Variants in JMJD1C observed in about 807,000 individuals in gnomAD.
JMJD1C encodes the protein jumonji domain-containing protein 1C.
Under a neutral mutation model 245.3 loss-of-function variants are expected in JMJD1C, and 31 were observed. That is an observed-to-expected ratio of 0.13 (90% CI 0.09 to 0.17). The LOEUF (loss-of-function observed/expected upper bound fraction) is 0.17. JMJD1C is among the 10% of genes least tolerant of loss of function. JMJD1C has a pLI of 1.00. For synonymous variants in JMJD1C, 1,057 were observed against 1,017.4 expected (o/e 1.04, Z -0.74); for missense variants, 2,691 against 3,000.2 (o/e 0.90, Z 2.41).
At chr10:63,461,692 T>C (rs776861450) in intron 1 of JMJD1C, among the ~76,000 whole-genome samples, 1 of 152,170 alleles carries the variant, frequency 6.6e-6, no homozygotes, top group Non-Finnish European at 1.5e-5. Flanking sequence ...TGATTTTTTA[T>C]TGTCCTTTTC....
intron 1 of JMJD1C, 36 bp from the exon 2 acceptor site, chr10:63,380,518 A>T: frequency 6.5e-7 from 1 of 1,544,656 alleles, no homozygotes. Flanking sequence ...AATTAGCAAA[A>T]TAGAAGAGTG....
chr10:63,197,889 C>T (rs1462832956), intron 12 of JMJD1C, among the ~76,000 whole-genome samples: 1 of 152,178 alleles, frequency 6.6e-6, no homozygotes, highest in Non-Finnish European at 1.5e-5. Context: ...GTAGCCTCTA[C>T]CTATCAGATG....
intron 24 of JMJD1C, among the ~76,000 whole-genome samples, chr10:63,171,966 C>T (rs571799945): frequency 1.3e-5 from 2 of 152,280 alleles, no homozygotes; most frequent in South Asian, 4.1e-4. Flanking sequence ...GCATTGCCAC[C>T]AATTGTGAAT....
At chr10:63,206,262 A>C (rs1440412070) in intron 10 of JMJD1C, among the ~76,000 whole-genome samples, 1 of 152,208 alleles carries the variant, frequency 6.6e-6, no homozygotes, top group African/African-American at 2.4e-5. Flanking sequence ...GACAGCCATA[A>C]CTGCATTTTG....
At chr10:63,458,717 T>TA (rs1952578298) in intron 1 of JMJD1C, among the ~76,000 whole-genome samples, 1 of 4,742 alleles carries the variant, frequency 2.1e-4, no homozygotes, top group Non-Finnish European at 4.1e-4. Flanking sequence ...ATATAGCTTT[T>TA]TTTTTATTTA....
intron 2 of JMJD1C, among the ~76,000 whole-genome samples, chr10:63,295,009 T>C (rs1859198778): frequency 7.4e-6 from 1 of 134,952 alleles, no homozygotes; most frequent in South Asian, 2.7e-4. Flanking sequence ...GCCACAACCA[T>C]CTTAGGTCAT....
At chr10:63,238,133 A>G (rs1020343512) in intron 3 of JMJD1C, among the ~76,000 whole-genome samples, 3 of 145,860 alleles carry the variant, frequency 2.1e-5, no homozygotes, top group African/African-American at 5.0e-5. Flanking sequence ...GCAAGCCAAG[A>G]TTGTGCCACT....
chr10:63,374,937 C>T (rs1946604844), intron 2 of JMJD1C, among the ~76,000 whole-genome samples: 1 of 152,122 alleles, frequency 6.6e-6, no homozygotes, highest in African/African-American at 2.4e-5. Context: ...TTATGGTTTT[C>T]TAAGTATAAG....
In JMJD1C at chr10:63,249,980, C is replaced by T. The variant is rs552149817; in HGVS notation, c.447+14671G>A. Among the ~76,000 whole-genome samples the T allele has an allele frequency of 8.5e-5, 13 of 152,186 alleles. 1 individual carries two copies. In the South Asian group the frequency reaches 2.7e-3, roughly 32 times the overall value. ...GTATTAAATTATCACATGTACCCCC[C>T]AATACATGTACATCTATTATGTATT... On this transcript the variant is annotated intron_variant, in intron 3 of 25. Coordinates refer to ENST00000399262, the MANE Select transcript of JMJD1C (RefSeq NM_032776.3).
At chr10:63,462,584 T>G (rs527454342) in intron 1 of JMJD1C, among the ~76,000 whole-genome samples, 1 of 152,150 alleles carries the variant, frequency 6.6e-6, no homozygotes, top group South Asian at 2.1e-4. Context: ...CCCAAAGTAA[T>G]CAACAGGGCA....
intron 2 of JMJD1C, among the ~76,000 whole-genome samples, chr10:63,374,065 G>T (rs1014813208): frequency 3.3e-5 from 5 of 152,076 alleles, no homozygotes; most frequent in African/African-American, 4.8e-5. Flanking sequence ...ATATCCCATT[G>T]CATAGACTTT....
At chr10:63,261,301 C>T (rs567344273) in intron 3 of JMJD1C, among the ~76,000 whole-genome samples, 5 of 152,090 alleles carry the variant, frequency 3.3e-5, no homozygotes, top group Non-Finnish European at 4.4e-5. Flanking sequence ...TGACCAGTGC[C>T]GGGCGCAGTG....
intron 3 of JMJD1C, chr10:63,222,486 G>A (rs1206427038): frequency 5.9e-6 from 6 of 1,019,382 alleles, no homozygotes; most frequent in Non-Finnish European, 9.4e-6. Context: ...GTGGCAGTAG[G>A]AGAATGTGGA....
intron 1 of JMJD1C, among the ~76,000 whole-genome samples, chr10:63,481,213 T>C (rs761309191): frequency 1.3e-5 from 2 of 152,208 alleles, no homozygotes; most frequent in Non-Finnish European, 2.9e-5. Flanking sequence ...AGCTGATAAA[T>C]AGCTGTAGAA....
chr10:63,498,628 T>C (rs951928405), intron 1 of JMJD1C, among the ~76,000 whole-genome samples: 2 of 151,962 alleles, frequency 1.3e-5, no homozygotes, highest in African/African-American at 4.8e-5. Flanking sequence ...ACCTGGAAAA[T>C]GTAGTGCCAA....
intron 1 of JMJD1C, among the ~76,000 whole-genome samples, chr10:63,416,161 G>C (rs776511295): frequency 6.6e-6 from 1 of 152,040 alleles, no homozygotes; most frequent in African/African-American, 2.4e-5. Context: ...CGATACTTGC[G>C]ATTAAATAAC....
At chr10:63,210,147 A>C (rs1281589796) in intron 8 of JMJD1C, among the ~76,000 whole-genome samples, 1 of 152,338 alleles carries the variant, frequency 6.6e-6, no homozygotes, top group East Asian at 1.9e-4. Context: ...AAATACATAA[A>C]TATACACATA....
intron 2 of JMJD1C, among the ~76,000 whole-genome samples, chr10:63,361,533 G>T (rs1452562496): frequency 6.6e-6 from 1 of 151,994 alleles, no homozygotes; most frequent in African/African-American, 2.4e-5. Flanking sequence ...AAGCAGAAGT[G>T]TCTCTGGGGT....
At chr10:63,335,054 CCTAA>C (rs1348600948) in intron 2 of JMJD1C, among the ~76,000 whole-genome samples, 3 of 116,222 alleles carry the variant, frequency 2.6e-5, no homozygotes, top group East Asian at 2.2e-4. Flanking sequence ...AAATATTGTT[CCTAA>C]CTAAGGAGTT....
Sources: gnomAD v4.1 joint callset for allele counts (sites outside exome capture counted in the v4.1 genomes callset) on GRCh38, gnomAD v4.1.1 for gene constraint, MANE v1.5 for transcripts, NCBI Gene and HGNC (gene_info 2026-07-23, HGNC 2026-07-21) for gene names.